The following TRAPPC9 variants were observed in gnomAD, a reference collection of about 807,000 sequenced individuals.
The protein encoded by TRAPPC9 is IKK2 binding protein.
TRAPPC9 carries 83 observed loss-of-function variants against 124.0 expected under a neutral mutation model. The ratio of observed to expected loss-of-function variants is 0.67; its 90% CI spans 0.56 to 0.80. TRAPPC9 has a LOEUF of 0.80. Among genes scored for constraint, TRAPPC9 ranks in the 30% least tolerant of loss-of-function variants. The probability of loss-of-function intolerance (pLI) is 0.00; values close to 1 mark genes in which losing one functional copy is unlikely to be tolerated. For synonymous variants in TRAPPC9, 638 were observed against 617.5 expected, an observed-to-expected ratio of 1.03 and a Z score of -0.49; for missense variants, 1,302 against 1,508.3, an observed-to-expected ratio of 0.86 and a Z score of 2.27.
Position 139,973,472 on chromosome 8 carries a change from C to T in TRAPPC9, c.2810+15254G>A, listed in dbSNP as rs867919746. 3.9e-5 allele frequency among the ~76,000 whole-genome samples: 6 copies of T among 152,356 alleles called. No individual in the cohort carries two copies. The East Asian group carries it at 9.7e-4, about 25-fold the overall frequency. ...CACTGACCGTGAGGGTCACACAAGG[C>T]AGGGCTTACCAAGTCTACCTTCCTA... On this transcript the variant is annotated intron_variant, in intron 19 of 22. Coordinates refer to ENST00000438773, the MANE Select transcript of TRAPPC9 (RefSeq NM_001160372.4).
intron 21 of TRAPPC9, among the ~76,000 whole-genome samples, chr8:139,851,487 C>T (rs181981068): frequency 2.0e-4 from 30 of 152,214 alleles, no homozygotes; most frequent in Non-Finnish European, 2.4e-4. Flanking sequence ...GGCATGGGAC[C>T]GGGCCTGCTT....
intron 19 of TRAPPC9, among the ~76,000 whole-genome samples, chr8:139,911,550 C>T (rs975590795): frequency 6.6e-6 from 1 of 152,006 alleles, no homozygotes; most frequent in South Asian, 2.1e-4. Context: ...ACCAAAAATA[C>T]AAAAATAAGC....
intron 16 of TRAPPC9, among the ~76,000 whole-genome samples, chr8:140,240,679 C>T (rs2063837786): frequency 6.6e-6 from 1 of 152,124 alleles, no homozygotes; most frequent in Non-Finnish European, 1.5e-5. Flanking sequence ...CTCAAGCAAT[C>T]CTCCCACCTC....
At chr8:140,300,110 C>G (rs563168120) in intron 11 of TRAPPC9, among the ~76,000 whole-genome samples, 13 of 152,346 alleles carry the variant, frequency 8.5e-5, no homozygotes, top group Admixed American at 7.8e-4. Context: ...AAAATCACAT[C>G]TATGGGCAAT....
intron 21 of TRAPPC9, among the ~76,000 whole-genome samples, chr8:139,802,591 T>C (rs1278618878): frequency 6.6e-6 from 1 of 152,212 alleles, no homozygotes; most frequent in Non-Finnish European, 1.5e-5. Flanking sequence ...TGAAATATCA[T>C]AGTGATCGCA....
intron 21 of TRAPPC9, among the ~76,000 whole-genome samples, chr8:139,826,365 C>G (rs1387081124): frequency 2.0e-5 from 3 of 152,206 alleles, no homozygotes; most frequent in African/African-American, 7.2e-5. Flanking sequence ...CAAGACAAGG[C>G]AGGGCTTCTC....
At chr8:140,328,378 C>T (rs766141839) in intron 9 of TRAPPC9, among the ~76,000 whole-genome samples, 15 of 152,066 alleles carry the variant, frequency 9.9e-5, no homozygotes, top group South Asian at 4.2e-4. Context: ...CATGATCAAT[C>T]GTTGAGGCAT....
chr8:139,866,145 T>C (rs921305710), intron 21 of TRAPPC9, among the ~76,000 whole-genome samples: 3 of 152,188 alleles, frequency 2.0e-5, no homozygotes, highest in African/African-American at 7.2e-5. Flanking sequence ...CAAAGTCTTA[T>C]CATGCTGATG....
chr8:140,373,772 T>G (rs2068352426), intron 7 of TRAPPC9, among the ~76,000 whole-genome samples: 1 of 151,906 alleles, frequency 6.6e-6, no homozygotes. Context: ...CCCTGAAAAC[T>G]AATGATGTTG....
At position 140,360,200 on chromosome 8, in the gene TRAPPC9, TG is replaced by T; in HGVS notation, c.1352-8del. ...GCCCAGCCTCTGTGCGTGCCTGCGA[TG>T]GAAGTTACAAAACATCACAAAAGTG... is the stretch of plus-strand genomic sequence containing the variant. On this transcript the variant is annotated splice_polypyrimidine_tract_variant and splice_region_variant and intron_variant, in intron 8 of 22. Transcript: ENST00000438773. The T allele has an allele frequency of 6.2e-7, 1 of 1,614,140 alleles. No homozygotes were observed. The highest frequency in any genetic ancestry group is 8.5e-7 in the Non-Finnish European group (1 of 1,180,020).
chr8:140,180,005 T>G (rs920514525), intron 17 of TRAPPC9, among the ~76,000 whole-genome samples: 1 of 144,022 alleles, frequency 6.9e-6, no homozygotes, highest in African/African-American at 2.5e-5. Context: ...TTTTTTTTTT[T>G]TTTTTTTTTG....
At chr8:140,211,967 A>C (rs189415068) in intron 17 of TRAPPC9, among the ~76,000 whole-genome samples, 56 of 152,382 alleles carry the variant, frequency 3.7e-4, no homozygotes, top group Non-Finnish European at 5.9e-4. Flanking sequence ...GGACACAGGA[A>C]GAAGGGCCTG....
intron 19 of TRAPPC9, among the ~76,000 whole-genome samples, chr8:139,986,945 G>A (rs988296325): frequency 1.3e-5 from 2 of 152,252 alleles, no homozygotes; most frequent in African/African-American, 2.4e-5. Flanking sequence ...ATAGGTTGGT[G>A]TAAAAGTAAT....
intron 17 of TRAPPC9, among the ~76,000 whole-genome samples, chr8:140,071,724 C>G (rs553925006): frequency 6.6e-6 from 1 of 152,214 alleles, no homozygotes; most frequent in Admixed American, 6.5e-5. Context: ...TGGCTCCTTT[C>G]TCTCAATGGG....
At chr8:140,405,490 GAC>G in intron 6 of TRAPPC9, 85 bp downstream of exon 6, 2 of 1,380,810 alleles carry the variant, frequency 1.4e-6, no homozygotes, top group Non-Finnish European at 2.1e-6. Context: ...ATAATTAAGA[GAC>G]ACTGCAGCAT....
intron 18 of TRAPPC9, among the ~76,000 whole-genome samples, chr8:140,015,771 G>A (rs1839426896): frequency 6.6e-6 from 1 of 152,138 alleles, no homozygotes; most frequent in South Asian, 2.1e-4. Flanking sequence ...TTGTGCCACT[G>A]CACTCCAGCC....
At position 139,729,724 on chromosome 8, in the gene TRAPPC9, C is replaced by T. The variant is rs1817711876; in HGVS notation, c.*1337G>A. 1.3e-5 allele frequency among the ~76,000 whole-genome samples: 2 copies of T among 152,234 alleles called. No homozygotes were observed. Among genetic ancestry groups the T allele is most frequent in the African/African-American group, 4.8e-5 (2 of 41,464 alleles). ...GGACTTCAGGTCCTCAGGAAGTTCC[C>T]TCAGCCCCGCAGGCCTCCTGATGCC... On this transcript the variant is annotated 3_prime_UTR_variant, in exon 23 of 23. Coordinates refer to ENST00000438773, the MANE Select transcript of TRAPPC9 (RefSeq NM_001160372.4).
At position 140,334,605 on chromosome 8, in the gene TRAPPC9, G is replaced by A. The variant is rs192292802; in HGVS notation, c.1496-23231C>T. ...GTGGAGGTTGCAGTGAGCCGAGATC[G>A]TGCCATTGTACCACAGCTTGGGCGA... On this transcript the variant is annotated intron_variant, in intron 9 of 22. Transcript: ENST00000438773. Among the ~76,000 whole-genome samples, 706 of 152,010 alleles carry A rather than the reference G, an allele frequency of 4.6e-3. 9 individuals are homozygous for A. Among genetic ancestry groups the A allele is most frequent in the South Asian group, 0.023 (111 of 4,820 alleles).
chr8:140,369,638 T>C (rs1316133648), intron 8 of TRAPPC9, among the ~76,000 whole-genome samples: 1 of 152,102 alleles, frequency 6.6e-6, no homozygotes, highest in Non-Finnish European at 1.5e-5. Flanking sequence ...GTGAAATGGA[T>C]GGACATGACC....
Sources: gnomAD v4.1 joint callset for allele counts (sites outside exome capture counted in the v4.1 genomes callset) on GRCh38, gnomAD v4.1.1 for gene constraint, MANE v1.5 for transcripts, NCBI Gene and HGNC (gene_info 2026-07-23, HGNC 2026-07-21) for gene names.